Variants in TLR10 observed in about 807,000 individuals in gnomAD.
The protein encoded by TLR10 is toll-like receptor 10.
For missense variants in TLR10, 929 were observed against 932.9 expected (o/e 1.00, Z 0.05); for synonymous variants, 288 against 338.8 (o/e 0.85, Z 1.65).
At position 38,773,110 on chromosome 4, in the gene TLR10, C is replaced by G. The variant is rs1201195224; in HGVS notation, c.*45G>C. On this transcript the variant is annotated 3_prime_UTR_variant, in exon 4 of 4. Coordinates refer to ENST00000308973, the MANE Select transcript of TLR10 (RefSeq NM_030956.4). The stretch of plus-strand genomic sequence containing the variant: ...TCATAAAGGTTGTATCAATGTACAT[C>G]CCAACAGTGTATGTGGTCCCCAACT... 1 of 1,474,248 alleles carries G rather than the reference C, an allele frequency of 6.8e-7. No homozygotes were observed. The highest frequency in any genetic ancestry group is 2.3e-5 in the East Asian group (1 of 42,580). The allele number at this position is 1,474,248 out of a possible 1,614,324, so 91.3% of individuals were successfully genotyped here. A position where few individuals can be genotyped will look rare whatever the true frequency, so the allele number is the denominator to read the frequency against.
intron 1 of TLR10, among the ~76,000 whole-genome samples, chr4:38,781,338 CTTTT>C (rs34846566): frequency 6.9e-6 from 1 of 144,800 alleles, no homozygotes; most frequent in Non-Finnish European, 1.5e-5. Flanking sequence ...AGGACATACA[CTTTT>C]TTTTTTTTTT....
Position 38,773,508 on chromosome 4 carries a change from C to G in TLR10, c.2083G>C (p.Val695Leu). The change falls in exon 4 of 4, where the codon GTT (valine) becomes CTT (leucine). Residue 695 changes from valine to leucine, a missense_variant. Val to Leu is a conservative substitution (Grantham distance 32). Transcript: ENST00000308973. The part of the protein sequence containing the change: ...FIEKSYKSIF[V>L]LSPNFVQNEW... ...TTCTGGACAAAGTTGGGAGACAAAA[C>G]AAAGATGGACTTATAGCTTTTCTCA... The G allele has an allele frequency of 6.2e-7, 1 of 1,612,362 alleles. No individual in the cohort carries two copies. Among genetic ancestry groups the G allele is most frequent in the Non-Finnish European group, 8.5e-7 (1 of 1,179,308 alleles).
In TLR10 at chr4:38,774,303, A is replaced by G; in HGVS notation, c.1288T>C (p.Tyr430His). ...AAGACAGAATCAGACAATTTATTGT[A>G]TGACAGATTCATATTGACCACAGTT... ...PETVVNMNLS[Y>H]NKLSDSVFRC... Residue 430 changes from tyrosine to histidine, a missense_variant, in exon 4 of 4, where the codon TAC becomes CAC. Coordinates refer to ENST00000308973, the MANE Select transcript of TLR10 (RefSeq NM_030956.4). 6.2e-7 allele frequency: 1 copy of G among 1,612,646 alleles called. No individual in the cohort carries two copies. The highest frequency in any genetic ancestry group is 8.5e-7 in the Non-Finnish European group (1 of 1,179,570).
chr4:38,780,277 G>T (rs1251310168), intron 1 of TLR10, among the ~76,000 whole-genome samples: 1 of 152,062 alleles, frequency 6.6e-6, no homozygotes, highest in African/African-American at 2.4e-5. Context: ...GGTGGCATGT[G>T]CCTGTAGTCC....
At chr4:38,776,797 G>A (rs1725083057) in intron 1 of TLR10, among the ~76,000 whole-genome samples, 1 of 152,186 alleles carries the variant, frequency 6.6e-6, no homozygotes, top group African/African-American at 2.4e-5. Context: ...AAGAAGTTAA[G>A]AAAAGAGAGA....
In TLR10 at chr4:38,773,357, A is replaced by G. The variant is rs1186489044; in HGVS notation, c.2234T>C (p.Leu745Pro). The part of the protein sequence containing the change: ...FYCIPTRYHK[L>P]KALLEKKAYL... ...TGCTTTTTTTTCCAGGAGAGCTTTC[A>G]GTTTATGATACCTGGTGGGAATGCA... is the stretch of plus-strand genomic sequence containing the variant. The change falls in exon 4 of 4, where the codon CTG becomes CCG. Residue 745 changes from leucine (L) to proline (P), a missense_variant. Coordinates refer to ENST00000308973, the MANE Select transcript of TLR10 (RefSeq NM_030956.4). The G allele has an allele frequency of 3.1e-6, 5 of 1,613,884 alleles. No individual in the cohort carries two copies. Among genetic ancestry groups the G allele is most frequent in the African/African-American group, 1.3e-5 (1 of 74,912 alleles).
intron 1 of TLR10, among the ~76,000 whole-genome samples, chr4:38,781,622 G>T (rs1256421251): frequency 6.6e-6 from 1 of 152,174 alleles, no homozygotes; most frequent in East Asian, 1.9e-4. Context: ...AACAGAGAAT[G>T]ACCTTCCTTA....
intron 1 of TLR10, among the ~76,000 whole-genome samples, chr4:38,780,768 C>T (rs1725357922): frequency 6.6e-6 from 1 of 152,110 alleles, no homozygotes; most frequent in African/African-American, 2.4e-5. Flanking sequence ...AACAAAATAT[C>T]GAAATTTTTC....
chr4:38,774,525 C>T lies in TLR10; in HGVS notation c.1066G>A (p.Ala356Thr). 1.3e-6 allele frequency: 2 copies of T among 1,582,716 alleles called. No individual in the cohort carries two copies. The highest frequency in any genetic ancestry group is 1.7e-6 in the Non-Finnish European group (2 of 1,168,462). The change falls in exon 4 of 4, where the codon GCC becomes ACC. Residue 356 changes from alanine to threonine, a missense_variant. Ala to Thr is a moderately conservative substitution (Grantham distance 58, BLOSUM62 0). Transcript: ENST00000308973. ...AACTCGTCTGTTAAGATATTATTGG[C>T]AAAATTTAAATATTGGAATTTCGTA... ...YPTKFQYLNF[A>T]NNILTDELFK...
intron 1 of TLR10, among the ~76,000 whole-genome samples, chr4:38,780,619 T>C (rs1725347125): frequency 6.7e-6 from 1 of 150,002 alleles, no homozygotes; most frequent in Non-Finnish European, 1.5e-5. Flanking sequence ...ACTTAATAAA[T>C]GGTGGCAGTT....
At position 38,776,293 on chromosome 4, in the gene TLR10, C is replaced by A. The variant is rs1377951022; in HGVS notation, c.-435G>T. 3 of 219,672 alleles carry A rather than the reference C, an allele frequency of 1.4e-5. No homozygotes were observed. Among genetic ancestry groups the A allele is most frequent in the South Asian group, 1.7e-4 (2 of 12,034 alleles). The allele number at this position is 219,672 out of a possible 1,614,324, so 13.6% of individuals were successfully genotyped here. A position where few individuals can be genotyped will look rare whatever the true frequency, so the allele number is the denominator to read the frequency against. ...CTCCACAGATAGGCATGGTGTTAGT[C>A]ATTAAAAGAAAGATCTAAATGTCTG... On this transcript the variant is annotated 5_prime_UTR_variant, in exon 2 of 4. An upstream start codon of the reference 5' UTR is lost. Coordinates refer to ENST00000308973, the MANE Select transcript of TLR10 (RefSeq NM_030956.4).
In TLR10 at chr4:38,774,780, C is replaced by G. The variant is rs764693034; in HGVS notation, c.811G>C (p.Val271Leu). Reference sequence around the variant, plus strand: ...ACATTTCGGATCTGAAAGTGTTCCACTGATGTATGCCAAACAAATTGTAAG... The same window carrying G: ...ACATTTCGGATCTGAAAGTGTTCCAGTGATGTATGCCAAACAAATTGTAAG... ...LILQFVWHTS[V>L]EHFQIRNVTF... The change falls in exon 4 of 4, where the codon GTG becomes CTG. Residue 271 changes from valine (V) to leucine (L), a missense_variant. By Grantham distance (32) the Val-to-Leu change is conservative (BLOSUM62 1). Transcript: ENST00000308973. The G allele has an allele frequency of 6.2e-7, 1 of 1,601,962 alleles. No homozygotes were observed. Among genetic ancestry groups the G allele is most frequent in the Non-Finnish European group, 8.5e-7 (1 of 1,176,130 alleles).
At chr4:38,780,112 A>T (rs1413605676) in intron 1 of TLR10, among the ~76,000 whole-genome samples, 1 of 152,184 alleles carries the variant, frequency 6.6e-6, no homozygotes, top group Admixed American at 6.6e-5. Flanking sequence ...TTGAAGAATG[A>T]GTTTGGTAGG....
rs534572674 is a variant in TLR10, at chr4:38,773,454, C to T, written c.2137G>A (p.Ala713Thr). Residue 713 changes from alanine to threonine, a missense_variant, in exon 4 of 4, where the codon GCC becomes ACC. Physicochemically the swap from Ala to Thr is moderately conservative, Grantham distance 58. Transcript: ENST00000308973. Reference protein sequence around the residue: ...NEWCHYEFYFAHHNLFHENSD... With the variant: ...NEWCHYEFYFTHHNLFHENSD... Reference sequence around the variant, plus strand: ...TTTTCATGGAAGAGATTGTGGTGGGCAAAGTAGAATTCATAATGGCACCAC... The same window carrying T: ...TTTTCATGGAAGAGATTGTGGTGGGTAAAGTAGAATTCATAATGGCACCAC... 2 of 1,611,382 alleles carry T rather than the reference C, an allele frequency of 1.2e-6. No individual in the cohort carries two copies. The highest frequency in any genetic ancestry group is 1.7e-4 in the Middle Eastern group (1 of 6,052).
At chr4:38,777,519 T>C (rs1341286032) in intron 1 of TLR10, among the ~76,000 whole-genome samples, 3 of 152,124 alleles carry the variant, frequency 2.0e-5, no homozygotes, top group South Asian at 2.1e-4. Context: ...TGAGGCAACC[T>C]ATAGAATGGG....
At position 38,775,082 on chromosome 4, in the gene TLR10, A is replaced by G; in HGVS notation, c.509T>C (p.Val170Ala). ...AGGAAGAGTTCTGAATCCTAAGAAG[A>G]CAGTATTTAGATGCAGATGAGCAAT... ...QKIAHLHLNT[V>A]FLGFRTLPHY... Residue 170 changes from valine to alanine, a missense_variant, in exon 4 of 4, where the codon GTC (valine) becomes GCC (alanine). Physicochemically the swap from Val to Ala is moderately conservative, Grantham distance 64. Coordinates refer to ENST00000308973, the MANE Select transcript of TLR10 (RefSeq NM_030956.4). 1 of 1,612,906 alleles carries G rather than the reference A, an allele frequency of 6.2e-7. No homozygotes were observed. Among genetic ancestry groups the G allele is most frequent in the Non-Finnish European group, 8.5e-7 (1 of 1,179,984 alleles).
intron 1 of TLR10, 30 bp from the exon 2 acceptor site, chr4:38,776,456 G>C (rs1240605101): frequency 6.5e-6 from 1 of 152,848 alleles, no homozygotes; most frequent in Non-Finnish European, 1.5e-5. Flanking sequence ...AAGCTTTCAG[G>C]TTAGATTTCA....
Position 38,774,505 on chromosome 4 carries a change from G to T in TLR10, c.1086C>A (p.Asp362Glu). 1 of 1,589,172 alleles carries T rather than the reference G, an allele frequency of 6.3e-7. No individual in the cohort carries two copies. ...GTTGGATAGTTCTTTTAAACAACTC[G>T]TCTGTTAAGATATTATTGGCAAAAT... ...YLNFANNILT[D>E]ELFKRTIQLP... The change falls in exon 4 of 4, where the codon GAC (aspartate) becomes GAA (glutamate). Residue 362 changes from aspartate (D) to glutamate (E), a missense_variant. By Grantham distance (45) the Asp-to-Glu change is conservative. Transcript: ENST00000308973.
intron 1 of TLR10, among the ~76,000 whole-genome samples, chr4:38,782,444 T>C (rs936093499): frequency 6.6e-6 from 1 of 152,188 alleles, no homozygotes; most frequent in African/African-American, 2.4e-5. Flanking sequence ...CTTTGTCCAC[T>C]TCTGAAGGAA....
Sources: gnomAD v4.1 joint callset for allele counts (sites outside exome capture counted in the v4.1 genomes callset) on GRCh38, gnomAD v4.1.1 for gene constraint, MANE v1.5 for transcripts, NCBI Gene and HGNC (gene_info 2026-07-23, HGNC 2026-07-21) for gene names.